Variants in CSGALNACT1 observed in about 807,000 individuals in gnomAD.
CSGALNACT1 encodes the protein beta4GalNAcT-1.
CSGALNACT1 carries 52 observed loss-of-function variants against 51.0 expected under a neutral mutation model. The ratio of observed to expected loss-of-function variants is 1.02; its 90% CI spans 0.82 to 1.29. The LOEUF (loss-of-function observed/expected upper bound fraction) is 1.29. Ranked by LOEUF, CSGALNACT1 falls within the 50% of genes most tolerant of loss-of-function variation. The pLI, the probability that CSGALNACT1 is intolerant of heterozygous loss-of-function variation, is 0.00. For synonymous variants in CSGALNACT1, 341 were observed against 254.4 expected, an observed-to-expected ratio of 1.34 and a Z score of -3.24; for missense variants, 935 against 679.2, an observed-to-expected ratio of 1.38 and a Z score of -4.19.
At chr8:19,482,437 A>T (rs1373954337) in intron 4 of CSGALNACT1, among the ~76,000 whole-genome samples, 1 of 151,922 alleles carries the variant, frequency 6.6e-6, no homozygotes, top group Non-Finnish European at 1.5e-5. Flanking sequence ...TCCACTGATG[A>T]TGTTCTCTCC....
intron 8 of CSGALNACT1, among the ~76,000 whole-genome samples, chr8:19,417,527 G>T (rs1230201635): frequency 1.3e-5 from 2 of 152,190 alleles, no homozygotes; most frequent in African/African-American, 4.8e-5. Flanking sequence ...CATGGGTTTT[G>T]GATGGAAATC....
intron 4 of CSGALNACT1, among the ~76,000 whole-genome samples, chr8:19,501,173 C>G (rs573046175): frequency 2.1e-5 from 3 of 139,788 alleles, no homozygotes; most frequent in African/African-American, 8.0e-5. Context: ...TCCCCCGAAA[C>G]TGGGAGACAG....
intron 4 of CSGALNACT1, among the ~76,000 whole-genome samples, chr8:19,481,430 G>C (rs746098786): frequency 2.0e-5 from 3 of 152,138 alleles, no homozygotes; most frequent in Non-Finnish European, 4.4e-5. Flanking sequence ...AAGGTGCTTA[G>C]CAGGTGCTCG....
chr8:19,456,879 G>C (rs529304737), intron 5 of CSGALNACT1, among the ~76,000 whole-genome samples: 1 of 152,360 alleles, frequency 6.6e-6, no homozygotes, highest in African/African-American at 2.4e-5. Context: ...GACTAGGGGA[G>C]TTGTGATGAC....
At chr8:19,619,717 G>A (rs77510426) in intron 1 of CSGALNACT1, among the ~76,000 whole-genome samples, 3,926 of 152,172 alleles carry the variant, frequency 0.026, 180 homozygotes, top group African/African-American at 0.089. Flanking sequence ...GAACACATTC[G>A]TGTCACAATA....
At chr8:19,537,609 T>G (rs1023437018) in intron 3 of CSGALNACT1, among the ~76,000 whole-genome samples, 1 of 152,200 alleles carries the variant, frequency 6.6e-6, no homozygotes, top group African/African-American at 2.4e-5. Context: ...ATGGGAAGCC[T>G]GCAGGCTGCA....
intron 1 of CSGALNACT1, among the ~76,000 whole-genome samples, chr8:19,671,025 G>C (rs1215965316): frequency 2.6e-5 from 4 of 152,156 alleles, no homozygotes; most frequent in Admixed American, 2.6e-4. Flanking sequence ...ATTTGAAATG[G>C]TGACCAGAAA....
intron 6 of CSGALNACT1, among the ~76,000 whole-genome samples, chr8:19,426,066 T>C (rs767169533): frequency 3.0e-4 from 46 of 152,182 alleles, no homozygotes; most frequent in Non-Finnish European, 5.3e-4. Context: ...AGGACAGCAA[T>C]TGCCTTACTT....
intron 8 of CSGALNACT1, among the ~76,000 whole-genome samples, chr8:19,409,123 G>A (rs1459617343): frequency 1.3e-5 from 2 of 152,188 alleles, no homozygotes; most frequent in Admixed American, 1.3e-4. Context: ...AAAGGGCTCA[G>A]GAAGTTGAGA....
chr8:19,449,111 G>A (rs1432195177), intron 5 of CSGALNACT1, among the ~76,000 whole-genome samples: 2 of 152,084 alleles, frequency 1.3e-5, no homozygotes, highest in Non-Finnish European at 2.9e-5. Context: ...AAGCAATTGG[G>A]ACCTATTTTC....
intron 2 of CSGALNACT1, among the ~76,000 whole-genome samples, chr8:19,600,678 T>A (rs1588931053): frequency 6.6e-6 from 1 of 152,180 alleles, no homozygotes. Context: ...AGGTTTTTTT[T>A]ATTTTTTCTA....
rs79995183 is a variant in CSGALNACT1, at chr8:19,434,535, A to G, written c.953+5295T>C. Reference sequence around the variant, plus strand: ...TTCATTAGAAAAATATAATAATCATACTCAGGAAATTAACATTTTTACATC... The same window carrying G: ...TTCATTAGAAAAATATAATAATCATGCTCAGGAAATTAACATTTTTACATC... On this transcript the variant is annotated intron_variant, in intron 6 of 9. Coordinates refer to ENST00000454498, the Ensembl canonical transcript of CSGALNACT1. Among the ~76,000 whole-genome samples the G allele has an allele frequency of 1.6e-3, 250 of 152,310 alleles. 1 individual carries two copies. Among genetic ancestry groups the G allele is most frequent in the Non-Finnish European group, 2.1e-3 (141 of 68,024 alleles).
chr8:19,642,056 C>G (rs2056799630), intron 1 of CSGALNACT1: 1 of 152,138 alleles, frequency 6.6e-6, no homozygotes, highest in Non-Finnish European at 1.5e-5. Context: ...GTACTGAAAA[C>G]TAAGAGGCTT....
intron 2 of CSGALNACT1, among the ~76,000 whole-genome samples, chr8:19,599,488 G>GAA (rs1554751348): frequency 1.1e-5 from 1 of 87,296 alleles, no homozygotes; most frequent in Non-Finnish European, 2.6e-5. Context: ...AAGAAAGAAA[G>GAA]AAAGAAAGAA....
intron 1 of CSGALNACT1, among the ~76,000 whole-genome samples, chr8:19,658,297 C>T (rs763816036): frequency 6.6e-6 from 1 of 152,106 alleles, no homozygotes; most frequent in Non-Finnish European, 1.5e-5. Context: ...TTGGACTTCC[C>T]AACCCCCAAA....
intron 3 of CSGALNACT1, among the ~76,000 whole-genome samples, chr8:19,566,054 A>C (rs948057059): frequency 6.6e-6 from 1 of 152,252 alleles, no homozygotes; most frequent in African/African-American, 2.4e-5. Flanking sequence ...AAAAAGATGT[A>C]TCTGTCTCCT....
At chr8:19,408,953 C>CACACACACACACACACACACAA (rs2054981508) in intron 8 of CSGALNACT1, among the ~76,000 whole-genome samples, 1 of 151,080 alleles carries the variant, frequency 6.6e-6, no homozygotes, top group Non-Finnish European at 1.5e-5. Flanking sequence ...TATGAAAACA[C>CACACACACACACACACACACAA]ACACACACAC....
chr8:19,745,079 C>T (rs901447858), intron 1 of CSGALNACT1, among the ~76,000 whole-genome samples: 8 of 152,228 alleles, frequency 5.3e-5, no homozygotes, highest in Non-Finnish European at 7.3e-5. Context: ...TTCAGCCTGT[C>T]ATAGTCGTCT....
At chr8:19,587,512 C>G (rs2046911725) in intron 3 of CSGALNACT1, among the ~76,000 whole-genome samples, 1 of 152,148 alleles carries the variant, frequency 6.6e-6, no homozygotes, top group African/African-American at 2.4e-5. Flanking sequence ...ATAAACAAAC[C>G]TAAGTCATGA....
Sources: gnomAD v4.1 joint callset for allele counts (sites outside exome capture counted in the v4.1 genomes callset) on GRCh38, gnomAD v4.1.1 for gene constraint, MANE v1.5 for transcripts, NCBI Gene and HGNC (gene_info 2026-07-23, HGNC 2026-07-21) for gene names.